Variants in EXOC6B observed in about 807,000 individuals in gnomAD.
EXOC6B encodes the protein SEC15 homolog B.
Under a neutral mutation model 113.5 loss-of-function variants are expected in EXOC6B, and 54 were observed. The observed-to-expected ratio is 0.48, with a 90% CI of 0.38 to 0.60. EXOC6B has a LOEUF of 0.60. Ranked by LOEUF, EXOC6B falls within the 20% of genes least tolerant of loss-of-function variation. The pLI is 0.00. For missense variants in EXOC6B, 797 were observed against 977.5 expected (o/e 0.82, Z 2.46); for synonymous variants, 357 against 339.0 (o/e 1.05, Z -0.58).
chr2:72,235,316 A>T (rs1031099756), intron 20 of EXOC6B, among the ~76,000 whole-genome samples: 2 of 152,336 alleles, frequency 1.3e-5, no homozygotes, highest in Non-Finnish European at 2.9e-5. Context: ...CAAATACTGC[A>T]TGTTTTCACT....
intron 6 of EXOC6B, among the ~76,000 whole-genome samples, chr2:72,591,676 T>C (rs1705973371): frequency 6.6e-6 from 1 of 152,172 alleles, no homozygotes; most frequent in Non-Finnish European, 1.5e-5. Flanking sequence ...TCTCAAGATA[T>C]TAAAGGTTCC....
intron 20 of EXOC6B, among the ~76,000 whole-genome samples, chr2:72,201,327 T>C (rs1364824390): frequency 3.9e-5 from 6 of 152,054 alleles, no homozygotes; most frequent in Non-Finnish European, 8.8e-5. Flanking sequence ...TGTTTCCAGA[T>C]GATAGAAGAA....
intron 6 of EXOC6B, among the ~76,000 whole-genome samples, chr2:72,678,515 G>A (rs1356016988): frequency 1.3e-5 from 2 of 152,166 alleles, no homozygotes; most frequent in Non-Finnish European, 2.9e-5. Flanking sequence ...GAGGCCTCTT[G>A]GCCAACATGG....
intron 20 of EXOC6B, among the ~76,000 whole-genome samples, chr2:72,270,649 C>A (rs1684423649): frequency 6.6e-6 from 1 of 152,008 alleles, no homozygotes; most frequent in Non-Finnish European, 1.5e-5. Flanking sequence ...TTCTCATAAG[C>A]ATTTTTTGGT....
intron 1 of EXOC6B, among the ~76,000 whole-genome samples, chr2:72,745,483 C>T (rs1573728709): frequency 6.6e-6 from 1 of 151,942 alleles, no homozygotes; most frequent in South Asian, 2.1e-4. Context: ...AAACGTAAAA[C>T]ACCCATATTT....
chr2:72,544,424 T>G (rs1230379880), intron 8 of EXOC6B, among the ~76,000 whole-genome samples: 1 of 152,132 alleles, frequency 6.6e-6, no homozygotes, highest in Non-Finnish European at 1.5e-5. Context: ...AACTGAGTCC[T>G]CATCAGGTCT....
intron 17 of EXOC6B, among the ~76,000 whole-genome samples, chr2:72,469,241 T>C (rs541496307): frequency 1.3e-5 from 2 of 152,248 alleles, no homozygotes; most frequent in African/African-American, 2.4e-5. Context: ...ATTCCACCTA[T>C]TCATCCATCC....
intron 18 of EXOC6B, among the ~76,000 whole-genome samples, chr2:72,437,122 C>A (rs1429616167): frequency 6.6e-6 from 1 of 152,022 alleles, no homozygotes; most frequent in African/African-American, 2.4e-5. Context: ...ATCACTTTTT[C>A]TTTGTTAGTT....
intron 6 of EXOC6B, among the ~76,000 whole-genome samples, chr2:72,680,969 C>A (rs80117470): frequency 0.019 from 2,950 of 152,224 alleles, 89 homozygotes; most frequent in African/African-American, 0.066. Flanking sequence ...CCAGACTGTT[C>A]CTCCTTTAAC....
chr2:72,706,360 T>C (rs930572563), intron 6 of EXOC6B, among the ~76,000 whole-genome samples: 4 of 152,146 alleles, frequency 2.6e-5, no homozygotes, highest in Non-Finnish European at 5.9e-5. Context: ...AATTGTCTGG[T>C]TGAAAGGTTA....
chr2:72,671,127 CA>C (rs1357020908), intron 6 of EXOC6B, among the ~76,000 whole-genome samples: 1 of 151,982 alleles, frequency 6.6e-6, no homozygotes, highest in Non-Finnish European at 1.5e-5. Context: ...TGTAGAACCT[CA>C]AAAACATAGG....
chr2:72,422,630 A>G (rs996006938), intron 18 of EXOC6B, among the ~76,000 whole-genome samples: 4 of 151,986 alleles, frequency 2.6e-5, no homozygotes, highest in Admixed American at 6.6e-5. Flanking sequence ...GAGTGCACCA[A>G]TCGACACTCT....
chr2:72,402,858 T>C (rs901171773), intron 18 of EXOC6B, among the ~76,000 whole-genome samples: 20 of 152,206 alleles, frequency 1.3e-4, no homozygotes, highest in African/African-American at 3.6e-4. Context: ...GCAAAGACTA[T>C]ATTCCATCAT....
chr2:72,492,911 C>A (rs982198846), intron 15 of EXOC6B, among the ~76,000 whole-genome samples: 4 of 152,066 alleles, frequency 2.6e-5, no homozygotes, highest in African/African-American at 9.7e-5. Flanking sequence ...TTCTCAAAAT[C>A]TTGAATTTCT....
At chr2:72,452,152 C>A (rs1322133183) in intron 18 of EXOC6B, among the ~76,000 whole-genome samples, 1 of 152,132 alleles carries the variant, frequency 6.6e-6, no homozygotes, top group Non-Finnish European at 1.5e-5. Context: ...GCACTCCCAA[C>A]ATCATTCTTA....
At chr2:72,495,189 T>A (rs1021498167) in intron 15 of EXOC6B, among the ~76,000 whole-genome samples, 2 of 152,038 alleles carry the variant, frequency 1.3e-5, no homozygotes, top group African/African-American at 4.8e-5. Context: ...CATTAATAAG[T>A]GTTGAAATGC....
At chr2:72,672,470 C>A (rs1258176316) in intron 6 of EXOC6B, among the ~76,000 whole-genome samples, 3 of 149,254 alleles carry the variant, frequency 2.0e-5, no homozygotes, top group African/African-American at 7.4e-5. Context: ...CTCTACTAAC[C>A]CGGGAGGCGG....
chr2:72,752,043 C>A (rs1508064), intron 1 of EXOC6B, among the ~76,000 whole-genome samples: 1 of 152,040 alleles, frequency 6.6e-6, no homozygotes, highest in African/African-American at 2.4e-5. Context: ...GACCCCTAGA[C>A]CCATGCAAAC....
chr2:72,418,628 C>T (rs1004049872), intron 18 of EXOC6B, among the ~76,000 whole-genome samples: 3 of 152,002 alleles, frequency 2.0e-5, no homozygotes, highest in African/African-American at 7.3e-5. Context: ...GCATAGTTGT[C>T]TCTGTTCTCT....
Sources: allele counts gnomAD v4.1 joint callset (sites outside exome capture counted in the v4.1 genomes callset), GRCh38; gene constraint gnomAD v4.1.1; transcripts MANE v1.5; gene names NCBI Gene and HGNC (gene_info 2026-07-23, HGNC 2026-07-21).